Variants in NPAS3 observed in about 807,000 individuals in gnomAD.
NPAS3 encodes neuronal PAS domain-containing protein 3.
In NPAS3, 14 loss-of-function variants were observed where a neutral mutation model predicts 73.1. The ratio of observed to expected loss-of-function variants is 0.19; its 90% confidence interval spans 0.13 to 0.30. The LOEUF is 0.30. Ranked by LOEUF, NPAS3 falls within the 10% of genes least tolerant of loss-of-function variation. The pLI, the probability that NPAS3 is intolerant of heterozygous loss-of-function variation, is 1.00. For synonymous variants in NPAS3, 620 were observed against 541.5 expected, an observed-to-expected ratio of 1.14 and a Z score of -2.01; for missense variants, 1,096 against 1,250.0, an observed-to-expected ratio of 0.88 and a Z score of 1.86.
chr14:33,167,418 GACAC>G (rs971221368), intron 2 of NPAS3, among the ~76,000 whole-genome samples: 2 of 151,968 alleles, frequency 1.3e-5, no homozygotes, highest in African/African-American at 4.8e-5. Context: ...CGCACAAACA[GACAC>G]ACACATACAC....
chr14:33,625,725 C>A (rs1361063017), intron 5 of NPAS3, among the ~76,000 whole-genome samples: 1 of 151,994 alleles, frequency 6.6e-6, no homozygotes, highest in Non-Finnish European at 1.5e-5. Flanking sequence ...AGTTCTTCAC[C>A]AAAGGTAATG....
In NPAS3 at chr14:33,563,537, C is replaced by CACACACACACACACACACACACACACAG; in HGVS notation, c.558+3328_558+3329insCACACACACACACACACACACACACAGA. 4.6e-4 allele frequency among the ~76,000 whole-genome samples: 55 copies of CACACACACACACACACACACACACACAG among 119,688 alleles called. 1 individual carries two copies. Among genetic ancestry groups the CACACACACACACACACACACACACACAG allele is most frequent in the Admixed American group, 2.2e-3 (27 of 12,158 alleles). The allele number at this position is 119,688 out of a possible 152,430, so 78.5% of individuals were successfully genotyped here. A position where few individuals can be genotyped will look rare whatever the true frequency, so the allele number is the denominator to read the frequency against. ...ATACATACACACACACACACACACA[C>CACACACACACACACACACACACACACAG]AGAGAGAGAGAGAGAGAGAGAGAGA... On this transcript the variant is annotated intron_variant, in intron 5 of 11. Coordinates refer to ENST00000356141, the Ensembl canonical transcript of NPAS3.
In NPAS3 at chr14:33,535,784, C is replaced by T. The variant is rs946281664; in HGVS notation, c.469-24337C>T. ...GAAAGGTCTTTGGAACCTACTTGAA[C>T]TTTTATACTTATTAGTTTTGTTAGT... is the stretch of plus-strand genomic sequence containing the variant. On this transcript the variant is annotated intron_variant, in intron 4 of 11. Coordinates refer to ENST00000356141, the Ensembl canonical transcript of NPAS3. 2.0e-4 allele frequency among the ~76,000 whole-genome samples: 30 copies of T among 152,120 alleles called. 1 individual carries two copies. The highest frequency in any genetic ancestry group is 7.0e-4 in the African/African-American group (29 of 41,416).
In NPAS3 at chr14:33,092,523, T is replaced by C. The variant is rs899273615; in HGVS notation, c.140+36529T>C. Among the ~76,000 whole-genome samples the C allele has an allele frequency of 2.6e-5, 4 of 152,138 alleles. No individual in the cohort carries two copies. The East Asian group carries it at 5.8e-4, about 22-fold the overall frequency. On this transcript the variant is annotated intron_variant, in intron 2 of 11. Transcript: ENST00000356141. ...GGTCGTGGATAGGAAGAATCAATAT[T>C]GTGAAAATGGCCATACTGTCCAAGG...
At chr14:33,069,479 A>G (rs1350718156) in intron 2 of NPAS3, among the ~76,000 whole-genome samples, 2 of 152,230 alleles carry the variant, frequency 1.3e-5, no homozygotes, top group Non-Finnish European at 2.9e-5. Flanking sequence ...CAATAGGAGA[A>G]TGTCAGTGTG....
At chr14:33,740,792 T>G (rs969709736) in intron 7 of NPAS3, among the ~76,000 whole-genome samples, 5 of 152,346 alleles carry the variant, frequency 3.3e-5, no homozygotes, top group Non-Finnish European at 5.9e-5. Flanking sequence ...TGCTAGCCTG[T>G]GGTGATCACA....
At chr14:33,415,415 T>A (rs553387984) in intron 4 of NPAS3, among the ~76,000 whole-genome samples, 51 of 152,290 alleles carry the variant, frequency 3.3e-4, no homozygotes, top group South Asian at 8.3e-4. Context: ...TCTATCCATA[T>A]CTTATACTTT....
chr14:33,141,815 C>G (rs1276516992), intron 2 of NPAS3, among the ~76,000 whole-genome samples: 2 of 152,156 alleles, frequency 1.3e-5, no homozygotes, highest in African/African-American at 2.4e-5. Flanking sequence ...GGATGTACAG[C>G]TGAAGGCTGT....
At chr14:33,405,697 A>G (rs2047635695) in intron 4 of NPAS3, among the ~76,000 whole-genome samples, 1 of 152,152 alleles carries the variant, frequency 6.6e-6, no homozygotes, top group African/African-American at 2.4e-5. Context: ...CACAGTATCT[A>G]TAGGAACATA....
intron 2 of NPAS3, chr14:33,214,640 G>C (rs2047154627): frequency 6.6e-6 from 1 of 152,564 alleles, no homozygotes; most frequent in African/African-American, 2.4e-5. Flanking sequence ...AACGTGCTGT[G>C]ATCTTTATTG....
chr14:33,548,033 A>G lies in NPAS3; in HGVS notation c.469-12088A>G, dbSNP rs1482354995. Among the ~76,000 whole-genome samples, 3 of 152,248 alleles carry G rather than the reference A, an allele frequency of 2.0e-5. No homozygotes were observed. In the East Asian group the frequency reaches 5.8e-4, roughly 29 times the overall value. The stretch of plus-strand genomic sequence containing the variant: ...ATTAGTTCATGTGCCCAGCTCTTAA[A>G]AGAAATCAGGCGGAGGGCCAAGTGA... On this transcript the variant is annotated intron_variant, in intron 4 of 11. Transcript: ENST00000356141.
chr14:33,384,142 G>T (rs2046673979), intron 4 of NPAS3, among the ~76,000 whole-genome samples: 1 of 143,806 alleles, frequency 7.0e-6, no homozygotes, highest in Non-Finnish European at 1.5e-5. Flanking sequence ...ATGTCTTGCT[G>T]AAGTTAAAAA....
At chr14:33,044,122 A>T (rs1224752885) in intron 1 of NPAS3, among the ~76,000 whole-genome samples, 1 of 152,226 alleles carries the variant, frequency 6.6e-6, no homozygotes, top group Non-Finnish European at 1.5e-5. Context: ...TTTGTCAATG[A>T]TGTTAAAAAC....
rs999320624 is a variant in NPAS3 at position 33,626,384 on chromosome 14, A to G, written c.559-49827A>G. Reference sequence around the variant, plus strand: ...TAAATATCCCAAATGTTGAATATATATGAAATTCAGTGCTTCTTGTACAAG... The same window carrying G: ...TAAATATCCCAAATGTTGAATATATGTGAAATTCAGTGCTTCTTGTACAAG... On this transcript the variant is annotated intron_variant, in intron 5 of 11. Coordinates refer to ENST00000356141, the Ensembl canonical transcript of NPAS3. Among the ~76,000 whole-genome samples, 16 of 152,318 alleles carry G rather than the reference A, an allele frequency of 1.1e-4. 1 individual carries two copies. Among genetic ancestry groups the G allele is most frequent in the Middle Eastern group, 6.8e-3 (2 of 294 alleles).
chr14:33,291,914 C>A (rs979777594), intron 3 of NPAS3, among the ~76,000 whole-genome samples: 4 of 152,222 alleles, frequency 2.6e-5, no homozygotes, highest in African/African-American at 7.2e-5. Context: ...GGGATCAAAG[C>A]CATTCCTTGT....
At chr14:33,497,870 C>A (rs977995156) in intron 4 of NPAS3, among the ~76,000 whole-genome samples, 1 of 151,966 alleles carries the variant, frequency 6.6e-6, no homozygotes, top group African/African-American at 2.4e-5. Flanking sequence ...CTAAAGAGCT[C>A]TACACAGCAA....
chr14:33,033,436 G>A (rs1002133903), intron 1 of NPAS3, among the ~76,000 whole-genome samples: 23 of 152,004 alleles, frequency 1.5e-4, no homozygotes, highest in Non-Finnish European at 1.3e-4. Flanking sequence ...CCGGGATTGC[G>A]CCACTGCACT....
chr14:33,762,398 T>G (rs746517283), intron 7 of NPAS3, among the ~76,000 whole-genome samples: 11 of 152,320 alleles, frequency 7.2e-5, no homozygotes, highest in Admixed American at 1.3e-4. Flanking sequence ...AGAACAGTCT[T>G]TGTGCCAATT....
intron 5 of NPAS3, among the ~76,000 whole-genome samples, chr14:33,564,506 C>T (rs939512401): frequency 6.6e-6 from 1 of 152,206 alleles, no homozygotes; most frequent in Non-Finnish European, 1.5e-5. Flanking sequence ...CATAGCTGTG[C>T]GGAAGACCAT....
Sources: gnomAD v4.1 joint callset for allele counts (sites outside exome capture counted in the v4.1 genomes callset) on GRCh38, gnomAD v4.1.1 for gene constraint, MANE v1.5 for transcripts, NCBI Gene and HGNC (gene_info 2026-07-23, HGNC 2026-07-21) for gene names.